The following ANXA13 variants were observed in gnomAD, a reference collection of about 807,000 sequenced individuals.
The protein encoded by ANXA13 is annexin A13.
Under a neutral mutation model 46.6 loss-of-function variants are expected in ANXA13, and 36 were observed. The observed-to-expected ratio is 0.77, with a 90% CI of 0.59 to 1.02. The LOEUF (loss-of-function observed/expected upper bound fraction) is 1.02, where lower values mean the gene tolerates loss of function less well. Among genes scored for constraint, ANXA13 ranks in the 50% least tolerant of loss-of-function variants. The pLI is 0.00. For missense variants in ANXA13, 417 were observed against 396.5 expected, an observed-to-expected ratio of 1.05 and a Z score of -0.44; for synonymous variants, 163 against 152.9, an observed-to-expected ratio of 1.07 and a Z score of -0.49.
At chr8:123,684,583 C>A in intron 10 of ANXA13, 27 bp downstream of exon 10, 3 of 1,487,986 alleles carry the variant, frequency 2.0e-6, no homozygotes, top group Non-Finnish European at 2.8e-6. Context: ...GTTGCAGCCG[C>A]CTCTTTGGAG....
At chr8:123,705,648 C>G (rs1813525002) in intron 2 of ANXA13, among the ~76,000 whole-genome samples, 1 of 152,226 alleles carries the variant, frequency 6.6e-6, no homozygotes, top group African/African-American at 2.4e-5. Flanking sequence ...TACAGTGTCA[C>G]TTACTGCTGT....
chr8:123,707,483 G>A (rs1813560163), intron 2 of ANXA13, among the ~76,000 whole-genome samples: 1 of 152,062 alleles, frequency 6.6e-6, no homozygotes, highest in African/African-American at 2.4e-5. Flanking sequence ...AAGAAAATGT[G>A]GCACATATAC....
chr8:123,693,412 T>G (rs1813276624), intron 7 of ANXA13, 114 bp from the exon 8 acceptor site: 1 of 891,106 alleles, frequency 1.1e-6, no homozygotes, highest in Non-Finnish European at 1.8e-6. Context: ...TGAATAGAAG[T>G]CAAATGGACT....
Position 123,681,043 on chromosome 8 carries a change from A to G in ANXA13, c.*197T>C. The G allele has an allele frequency of 1.7e-6, 1 of 605,202 alleles. No homozygotes were observed. Among genetic ancestry groups the G allele is most frequent in the South Asian group, 3.7e-5 (1 of 26,768 alleles). The allele number at this position is 605,202 out of a possible 1,614,324, so 37.5% of individuals were successfully genotyped here. A position where few individuals can be genotyped will look rare whatever the true frequency, so the allele number is the denominator to read the frequency against. On this transcript the variant is annotated 3_prime_UTR_variant, in exon 11 of 11. Coordinates refer to ENST00000419625, the MANE Select transcript of ANXA13 (RefSeq NM_004306.4). ...CTAGATGCTTGCTAAGCCAGAGTTC[A>G]AGGTGCCCTGCCCACGCATCTTAAC...
chr8:123,683,852 G>T (rs1813087534), intron 10 of ANXA13, among the ~76,000 whole-genome samples: 1 of 152,152 alleles, frequency 6.6e-6, no homozygotes, highest in Non-Finnish European at 1.5e-5. Context: ...CTCCCAAAGT[G>T]CTGGGATTAC....
chr8:123,683,273 T>C (rs918408612), intron 10 of ANXA13, among the ~76,000 whole-genome samples: 1 of 151,322 alleles, frequency 6.6e-6, no homozygotes, highest in South Asian at 2.1e-4. Flanking sequence ...GGAGGAGAAA[T>C]TCCAGGAATA....
chr8:123,719,701 GCTTACTATGAC>G (rs961740760), intron 1 of ANXA13, among the ~76,000 whole-genome samples: 27 of 152,310 alleles, frequency 1.8e-4, no homozygotes, highest in African/African-American at 6.3e-4. Context: ...GTACTTGCGT[GCTTACTATGAC>G]CTATCAATGT....
At chr8:123,701,385 G>A (rs13281855) in intron 3 of ANXA13, among the ~76,000 whole-genome samples, 34,121 of 152,004 alleles carry the variant, frequency 0.22, 3,997 homozygotes, top group Middle Eastern at 0.25. Context: ...CAGGAGAATC[G>A]CTTGAACCCG....
chr8:123,695,444 A>G, intron 6 of ANXA13, 58 bp downstream of exon 6: 1 of 1,303,880 alleles, frequency 7.7e-7, no homozygotes, highest in Non-Finnish European at 1.1e-6. Flanking sequence ...TCATGGTGCC[A>G]TGTTGCCAAG....
rs1366088888 is a variant in ANXA13, at chr8:123,737,263, ATTC to A, written c.15+54_15+56del. The A allele has an allele frequency of 2.6e-6, 4 of 1,531,976 alleles. No homozygotes were observed. The Admixed American group carries it at 6.8e-5, about 26-fold the overall frequency. 94.9% of individuals were successfully genotyped at this position (1,531,976 alleles called of 1,614,324 possible). On this transcript the variant is annotated intron_variant, in intron 1 of 10. Transcript: ENST00000419625. ...TATCAGTCATGATTTTATAGTTTAA[ATTC>A]TTCCACATGCTAACCAAAATTAAAA...
At chr8:123,715,427 A>G (rs1405710552) in intron 1 of ANXA13, among the ~76,000 whole-genome samples, 1 of 152,382 alleles carries the variant, frequency 6.6e-6, no homozygotes, top group East Asian at 1.9e-4. Context: ...GAAGTGAGGT[A>G]GAATTGAATC....
intron 2 of ANXA13, among the ~76,000 whole-genome samples, chr8:123,704,327 C>G (rs1182422063): frequency 6.6e-6 from 1 of 152,106 alleles, no homozygotes; most frequent in Non-Finnish European, 1.5e-5. Flanking sequence ...GAAGAGGAAG[C>G]TGAGGCACAA....
At position 123,690,764 on chromosome 8, in the gene ANXA13, T is replaced by C. The variant is rs1813219593; in HGVS notation, c.643-1818A>G. On this transcript the variant is annotated intron_variant, in intron 8 of 10. Coordinates refer to ENST00000419625, the MANE Select transcript of ANXA13 (RefSeq NM_004306.4). This position sits in a 1 kb window ranked among gnomAD's most constrained non-coding sequence, Gnocchi z 4.6. ...GGTTATTAGAGGAGCAGGGGAGACA[T>C]TTCTTTCTTTGAAAATCGGTTTCCC... is the stretch of plus-strand genomic sequence containing the variant. Among the ~76,000 whole-genome samples, 1 of 152,184 alleles carries C rather than the reference T, an allele frequency of 6.6e-6. No homozygotes were observed. The highest frequency in any genetic ancestry group is 1.9e-4 in the East Asian group (1 of 5,188).
intron 1 of ANXA13, among the ~76,000 whole-genome samples, chr8:123,731,954 A>G (rs1302260791): frequency 1.3e-5 from 2 of 152,226 alleles, no homozygotes; most frequent in African/African-American, 2.4e-5. Flanking sequence ...AGAGAGAACT[A>G]TGGAAGCCTT....
At chr8:123,720,053 T>C (rs1563617106) in intron 1 of ANXA13, among the ~76,000 whole-genome samples, 20 of 152,226 alleles carry the variant, frequency 1.3e-4, no homozygotes. Flanking sequence ...ATTATCAAAA[T>C]GCAATGGGAG....
intron 8 of ANXA13, among the ~76,000 whole-genome samples, chr8:123,692,153 A>C (rs565840414): frequency 2.0e-5 from 3 of 152,294 alleles, no homozygotes; most frequent in African/African-American, 7.2e-5. Context: ...ATTTGGAGTG[A>C]GGAGTGGCCA....
At chr8:123,705,066 C>T (rs1813515454) in intron 2 of ANXA13, among the ~76,000 whole-genome samples, 1 of 152,206 alleles carries the variant, frequency 6.6e-6, no homozygotes, top group South Asian at 2.1e-4. Context: ...TCATCCTGTT[C>T]CTTTGTCTCA....
Position 123,684,649 on chromosome 8 carries a change from A to G in ANXA13, c.792T>C (p.Asp264=). 6 of 1,614,126 alleles carry G rather than the reference A, an allele frequency of 3.7e-6. No homozygotes were observed. Among genetic ancestry groups the G allele is most frequent in the Non-Finnish European group, 5.1e-6 (6 of 1,179,974 alleles). The stretch of plus-strand genomic sequence containing the variant: ...CGACTATGCGAATCAACGTCTCCTC[A>G]TCGGTCCCCGCACCCTTCATCGACT... The part of the protein sequence containing the change: ...LYKSMKGAGT[D]EETLIRIVVT... The change falls in exon 10 of 11, where the codon GAT becomes GAC. Residue 264 remains aspartate, a synonymous_variant. Coordinates refer to ENST00000419625, the MANE Select transcript of ANXA13 (RefSeq NM_004306.4).
intron 1 of ANXA13, among the ~76,000 whole-genome samples, chr8:123,726,928 C>T (rs1473057734): frequency 1.3e-5 from 2 of 152,112 alleles, no homozygotes; most frequent in Non-Finnish European, 2.9e-5. Flanking sequence ...TCGGAGAATA[C>T]TATTCTAAGT....
Sources: allele counts gnomAD v4.1 joint callset (sites outside exome capture counted in the v4.1 genomes callset), GRCh38; gene constraint gnomAD v4.1.1; non-coding constraint Gnocchi (gnomAD v3.1); transcripts MANE v1.5; gene names NCBI Gene and HGNC (gene_info 2026-07-23, HGNC 2026-07-21).